ASIC2: variants seen among roughly 807,000 people sequenced by gnomAD.
ASIC2 encodes the protein acid-sensing ion channel 2.
In ASIC2, 25 loss-of-function variants were observed where a neutral mutation model predicts 57.3. The ratio of observed to expected loss-of-function variants is 0.44; its 90% CI spans 0.32 to 0.61. ASIC2 has a LOEUF of 0.61. Among genes scored for constraint, ASIC2 ranks in the 20% least tolerant of loss-of-function variants. The probability of loss-of-function intolerance (pLI) is 0.06; values close to 1 mark genes in which losing one functional copy is unlikely to be tolerated. For synonymous variants in ASIC2, 319 were observed against 307.5 expected (o/e 1.04, Z -0.39); for missense variants, 641 against 738.1 (o/e 0.87, Z 1.52).
chr17:33,753,443 G>T (rs1320351541), intron 1 of ASIC2, among the ~76,000 whole-genome samples: 1 of 152,172 alleles, frequency 6.6e-6, no homozygotes, highest in African/African-American at 2.4e-5. Flanking sequence ...CACAAAGAAT[G>T]AACCCTAATG....
chr17:33,931,523 C>T (rs944220090), intron 1 of ASIC2: 3 of 152,172 alleles, frequency 2.0e-5, no homozygotes, highest in Non-Finnish European at 1.5e-5. Context: ...GGTCATAAGA[C>T]AATATGAGGG....
chr17:34,017,873 G>T (rs1362717827), intron 1 of ASIC2, among the ~76,000 whole-genome samples: 2 of 152,206 alleles, frequency 1.3e-5, no homozygotes, highest in African/African-American at 4.8e-5. Flanking sequence ...CCATCTCCTT[G>T]TATGTATCTT....
rs561395436 is a variant in ASIC2 at position 33,746,361 on chromosome 17, T to A, written c.555+409617A>T. On this transcript the variant is annotated intron_variant, in intron 1 of 9. Transcript: ENST00000359872. ...ATATACATACATGTATCTACCTATA[T>A]ATGTAGATATACATGTATATCTACA... is the stretch of plus-strand genomic sequence containing the variant. 1.1e-4 allele frequency among the ~76,000 whole-genome samples: 16 copies of A among 148,852 alleles called. No individual in the cohort carries two copies. The South Asian group carries it at 3.4e-3, about 32-fold the overall frequency.
chr17:34,019,686 T>C (rs141225639), intron 1 of ASIC2, among the ~76,000 whole-genome samples: 289 of 152,354 alleles, frequency 1.9e-3, no homozygotes, highest in African/African-American at 6.7e-3. Context: ...ACAATAACTT[T>C]TATATGCACT....
chr17:33,068,964 A>G (rs1025234897), intron 3 of ASIC2, among the ~76,000 whole-genome samples: 1 of 152,022 alleles, frequency 6.6e-6, no homozygotes, highest in African/African-American at 2.4e-5. Flanking sequence ...TTCCTAATAT[A>G]GGTATTTAAT....
chr17:33,437,112 G>T (rs545833174), intron 1 of ASIC2, among the ~76,000 whole-genome samples: 1 of 151,572 alleles, frequency 6.6e-6, no homozygotes, highest in African/African-American at 2.4e-5. Flanking sequence ...TGATCTGCCC[G>T]CCTCGGCCTC....
At chr17:34,139,344 C>T (rs1912208331) in intron 1 of ASIC2, among the ~76,000 whole-genome samples, 1 of 152,112 alleles carries the variant, frequency 6.6e-6, no homozygotes, top group Non-Finnish European at 1.5e-5. Context: ...AGTGATACCA[C>T]ATGGAAATAA....
intron 1 of ASIC2, among the ~76,000 whole-genome samples, chr17:33,748,717 C>G (rs574720394): frequency 3.3e-4 from 51 of 152,338 alleles, no homozygotes; most frequent in African/African-American, 1.2e-3. Context: ...CTCTGAGCTG[C>G]CTTACGGCTC....
intron 1 of ASIC2, among the ~76,000 whole-genome samples, chr17:33,159,071 A>G (rs1265907779): frequency 6.6e-6 from 1 of 152,178 alleles, no homozygotes; most frequent in Admixed American, 6.5e-5. Flanking sequence ...GAGCATTGGC[A>G]GTGTTGTCTT....
chr17:33,348,888 T>C (rs1445702920), intron 1 of ASIC2, among the ~76,000 whole-genome samples: 1 of 151,796 alleles, frequency 6.6e-6, no homozygotes, highest in Non-Finnish European at 1.5e-5. Context: ...ACCACCGAGG[T>C]CAATAAGCAA....
chr17:33,979,004 G>C (rs1905501975), intron 1 of ASIC2, among the ~76,000 whole-genome samples: 1 of 152,172 alleles, frequency 6.6e-6, no homozygotes, highest in African/African-American at 2.4e-5. Context: ...GATCCAACCA[G>C]AGTCAGTTTA....
At chr17:33,653,538 C>G (rs1906989638) in intron 1 of ASIC2, among the ~76,000 whole-genome samples, 1 of 152,180 alleles carries the variant, frequency 6.6e-6, no homozygotes, top group African/African-American at 2.4e-5. Flanking sequence ...CCCTCAGCCT[C>G]ACAGAACAGA....
At chr17:33,749,346 G>A (rs1670519214) in intron 1 of ASIC2, among the ~76,000 whole-genome samples, 1 of 151,952 alleles carries the variant, frequency 6.6e-6, no homozygotes, top group Admixed American at 6.5e-5. Flanking sequence ...CTACTGGGAG[G>A]AGAGCGGCGA....
chr17:34,120,860 TC>T (rs1911597541), intron 1 of ASIC2, among the ~76,000 whole-genome samples: 1 of 147,456 alleles, frequency 6.8e-6, no homozygotes, highest in South Asian at 2.3e-4. Context: ...TCCTTCAGCC[TC>T]CCAAGTAGCT....
intron 1 of ASIC2, among the ~76,000 whole-genome samples, chr17:33,721,957 C>A (rs552361169): frequency 2.0e-5 from 3 of 152,312 alleles, no homozygotes; most frequent in South Asian, 2.1e-4. Context: ...AGTGAAGAAG[C>A]AAACCACAGC....
intron 1 of ASIC2, among the ~76,000 whole-genome samples, chr17:33,617,563 G>A (rs113562037): frequency 2.4e-4 from 36 of 152,300 alleles, no homozygotes; most frequent in Non-Finnish European, 4.1e-4. Flanking sequence ...CTTACTACCT[G>A]GATGACAAAA....
At chr17:33,987,112 G>A (rs1905845352) in intron 1 of ASIC2, among the ~76,000 whole-genome samples, 1 of 152,100 alleles carries the variant, frequency 6.6e-6, no homozygotes, top group Admixed American at 6.6e-5. Flanking sequence ...GGAAGCTAAG[G>A]CAATTAAAAA....
intron 1 of ASIC2, among the ~76,000 whole-genome samples, chr17:33,817,004 C>T (rs1035588610): frequency 1.3e-5 from 2 of 152,240 alleles, no homozygotes; most frequent in African/African-American, 2.4e-5. Flanking sequence ...GAGCTCACAC[C>T]GCCTGGCAGG....
At chr17:34,029,858 G>A (rs987771407) in intron 1 of ASIC2, among the ~76,000 whole-genome samples, 3 of 152,156 alleles carry the variant, frequency 2.0e-5, no homozygotes, top group African/African-American at 7.2e-5. Flanking sequence ...ATGGCAGCCT[G>A]AGCAGACTGA....
Sources: gnomAD v4.1 joint callset for allele counts (sites outside exome capture counted in the v4.1 genomes callset) on GRCh38, gnomAD v4.1.1 for gene constraint, MANE v1.5 for transcripts, NCBI Gene and HGNC (gene_info 2026-07-23, HGNC 2026-07-21) for gene names.